The following SND1 variants were observed in gnomAD, a reference collection of about 807,000 sequenced individuals.
SND1 encodes the protein staphylococcal nuclease and tudor domain containing 1.
SND1 carries 38 observed loss-of-function variants against 121.7 expected under a neutral mutation model. The ratio of observed to expected loss-of-function variants is 0.31; its 90% confidence interval spans 0.24 to 0.41. The LOEUF (loss-of-function observed/expected upper bound fraction) is 0.41, where lower values mean the gene tolerates loss of function less well. Ranked by LOEUF, SND1 falls within the 10% of genes least tolerant of loss-of-function variation. The probability of loss-of-function intolerance (pLI) is 1.00; values close to 1 mark genes in which losing one functional copy is unlikely to be tolerated. For synonymous variants in SND1, 401 were observed against 447.4 expected (o/e 0.90, Z 1.31); for missense variants, 868 against 1,184.6 (o/e 0.73, Z 3.92).
At chr7:127,705,556 C>G (rs2116348444) in intron 8 of SND1, among the ~76,000 whole-genome samples, 1 of 151,760 alleles carries the variant, frequency 6.6e-6, no homozygotes, top group East Asian at 1.9e-4. Flanking sequence ...GTCGACATTT[C>G]AACTGTCAGC....
At chr7:127,768,145 T>A (rs1797452975) in intron 10 of SND1, among the ~76,000 whole-genome samples, 1 of 152,188 alleles carries the variant, frequency 6.6e-6, no homozygotes, top group Non-Finnish European at 1.5e-5. Flanking sequence ...TGGTTATCTC[T>A]CACCACCTCA....
intron 16 of SND1, among the ~76,000 whole-genome samples, chr7:128,073,158 A>C (rs1793443380): frequency 6.6e-6 from 1 of 152,134 alleles, no homozygotes; most frequent in African/African-American, 2.4e-5. Context: ...CAGTGTAGAG[A>C]AGGCATTGGG....
At chr7:127,768,666 A>G (rs1224983276) in intron 10 of SND1, among the ~76,000 whole-genome samples, 2 of 152,262 alleles carry the variant, frequency 1.3e-5, no homozygotes, top group Admixed American at 1.3e-4. Flanking sequence ...AGCTAATCAA[A>G]TAGCAGAGTT....
intron 18 of SND1, 101 bp from the exon 19 acceptor site, chr7:128,084,623 A>G: frequency 7.4e-7 from 1 of 1,355,536 alleles, no homozygotes; most frequent in Non-Finnish European, 9.9e-7. Flanking sequence ...GCCCCCCAGA[A>G]TTTTACATTG....
chr7:127,779,984 A>C (rs541557794), intron 10 of SND1, among the ~76,000 whole-genome samples: 1 of 152,110 alleles, frequency 6.6e-6, no homozygotes, highest in African/African-American at 2.4e-5. Flanking sequence ...CTAGTTTTGC[A>C]CTGTGGGCAC....
At chr7:127,805,853 G>A (rs1439526266) in intron 10 of SND1, among the ~76,000 whole-genome samples, 2 of 152,178 alleles carry the variant, frequency 1.3e-5, no homozygotes, top group Non-Finnish European at 2.9e-5. Context: ...AATCAATGGT[G>A]TACATCTAGG....
intron 15 of SND1, among the ~76,000 whole-genome samples, chr7:127,937,121 G>A (rs1801077142): frequency 6.6e-6 from 1 of 152,104 alleles, no homozygotes; most frequent in Non-Finnish European, 1.5e-5. Flanking sequence ...CAGATATTTG[G>A]AGTCTTCTGT....
At chr7:127,713,698 C>T (rs75790206) in intron 9 of SND1, among the ~76,000 whole-genome samples, 575 of 152,330 alleles carry the variant, frequency 3.8e-3, no homozygotes, top group Non-Finnish European at 6.5e-3. Context: ...AGCTGTAGGT[C>T]AGAGTGCCAA....
intron 11 of SND1, 21 bp from the exon 12 acceptor site, chr7:127,844,303 C>T (rs1489083542): frequency 2.5e-6 from 4 of 1,604,746 alleles, no homozygotes; most frequent in Non-Finnish European, 3.4e-6. Context: ...AACCCTAATT[C>T]CCTTGATTCT....
At chr7:127,706,731 G>C (rs1021637045) in intron 8 of SND1, among the ~76,000 whole-genome samples, 1 of 152,156 alleles carries the variant, frequency 6.6e-6, no homozygotes, top group African/African-American at 2.4e-5. Flanking sequence ...CTTGTCTGCT[G>C]TTTTGCATGC....
chr7:127,671,483 G>T (rs925440598), intron 1 of SND1, among the ~76,000 whole-genome samples: 3 of 152,054 alleles, frequency 2.0e-5, no homozygotes, highest in Non-Finnish European at 2.9e-5. Flanking sequence ...TGTTCTATGC[G>T]CACGCTCCTG....
chr7:127,875,966 T>C (rs1038754949), intron 12 of SND1, among the ~76,000 whole-genome samples: 1 of 152,146 alleles, frequency 6.6e-6, no homozygotes, highest in Admixed American at 6.6e-5. Flanking sequence ...AGGTTTCTCA[T>C]TTGTAAAATA....
intron 1 of SND1, among the ~76,000 whole-genome samples, chr7:127,674,444 A>G (rs958828802): frequency 6.6e-6 from 1 of 152,208 alleles, no homozygotes; most frequent in Non-Finnish European, 1.5e-5. Context: ...CCTAGCTCTC[A>G]TTATCCTCCA....
intron 14 of SND1, among the ~76,000 whole-genome samples, chr7:127,915,234 G>A (rs907412530): frequency 2.6e-5 from 4 of 151,968 alleles, no homozygotes; most frequent in South Asian, 2.1e-4. Flanking sequence ...TGATGATCTC[G>A]AACTCCTGGG....
chr7:127,952,784 G>A (rs1801491334), intron 15 of SND1, among the ~76,000 whole-genome samples: 1 of 152,156 alleles, frequency 6.6e-6, no homozygotes, highest in African/African-American at 2.4e-5. Flanking sequence ...TAATGTAGAT[G>A]CCTGTAAAAC....
intron 16 of SND1, among the ~76,000 whole-genome samples, chr7:128,059,960 T>C (rs1793204642): frequency 1.3e-5 from 2 of 152,124 alleles, no homozygotes; most frequent in Admixed American, 1.3e-4. Context: ...GGGCTTAACA[T>C]GTAAGAGGTA....
chr7:127,679,063 C>G (rs1452203840), intron 1 of SND1: 1 of 152,238 alleles, frequency 6.6e-6, no homozygotes, highest in African/African-American at 2.4e-5. Flanking sequence ...CCCTTCAGCT[C>G]AATGACTTTC....
intron 15 of SND1, among the ~76,000 whole-genome samples, chr7:127,953,855 G>A (rs994829332): frequency 5.3e-5 from 8 of 151,956 alleles, no homozygotes; most frequent in African/African-American, 1.5e-4. Context: ...GCCTTTTCAC[G>A]GTTCCTCTTC....
intron 11 of SND1, among the ~76,000 whole-genome samples, chr7:127,837,210 T>G (rs770053289): frequency 3.3e-5 from 5 of 152,202 alleles, no homozygotes; most frequent in African/African-American, 7.2e-5. Context: ...AGGCTAAGAC[T>G]TGTGCCTTAA....
Sources: gnomAD v4.1 joint callset for allele counts (sites outside exome capture counted in the v4.1 genomes callset) on GRCh38, gnomAD v4.1.1 for gene constraint, MANE v1.5 for transcripts, NCBI Gene and HGNC (gene_info 2026-07-23, HGNC 2026-07-21) for gene names.